The following CNKSR2 variants were observed in gnomAD, a reference collection of about 807,000 sequenced individuals.
The protein encoded by CNKSR2 is CNK homolog protein 2.
CNKSR2 carries 14 observed loss-of-function variants against 84.4 expected under a neutral mutation model. That is an observed-to-expected ratio of 0.17 (90% CI 0.11 to 0.26). CNKSR2 has a LOEUF of 0.26. Ranked by LOEUF, CNKSR2 falls within the 10% of genes least tolerant of loss-of-function variation. The pLI, the probability that CNKSR2 is intolerant of heterozygous loss-of-function variation, is 1.00. For missense variants in CNKSR2, 485 were observed against 771.2 expected, an observed-to-expected ratio of 0.63 and a Z score of 4.40; for synonymous variants, 275 against 277.9, an observed-to-expected ratio of 0.99 and a Z score of 0.10.
chrX:21,520,792 AATAAC>A (rs1251710160), intron 9 of CNKSR2, among the ~76,000 whole-genome samples: 2 of 109,871 alleles, frequency 1.8e-5, no homozygotes, highest in Admixed American at 1.9e-4. Context: ...TTTTATATAA[AATAAC>A]ATCAAGCTGT....
chrX:21,584,776 G>A (rs2092375302), intron 13 of CNKSR2, among the ~76,000 whole-genome samples: 1 of 111,383 alleles, frequency 9.0e-6, no homozygotes, highest in African/African-American at 3.3e-5. Context: ...AATTAGCAAG[G>A]GGAGAGCAGT....
In CNKSR2 at chrX:21,510,693, A is replaced by G. The variant is rs1323582535; in HGVS notation, c.811-5792A>G. On this transcript the variant is annotated intron_variant, in intron 8 of 21. Transcript: ENST00000379510. ...TGTCTGCTTCAGCCTGATCAAAACA[A>G]TTACAAGCCCCATCCACAAGAAAGC... Among the ~76,000 whole-genome samples, 4 of 111,907 alleles carry G rather than the reference A, an allele frequency of 3.6e-5. No homozygotes were observed. The Admixed American group carries it at 3.8e-4, about 11-fold the overall frequency.
At chrX:21,385,690 C>T (rs1380914619) in intron 1 of CNKSR2, among the ~76,000 whole-genome samples, 2 of 111,608 alleles carry the variant, frequency 1.8e-5, no homozygotes, top group African/African-American at 6.5e-5. Flanking sequence ...TTCCAAAATA[C>T]CTAATATTTC....
intron 5 of CNKSR2, among the ~76,000 whole-genome samples, chrX:21,485,038 C>CG (rs2091366428): frequency 9.0e-6 from 1 of 110,864 alleles, no homozygotes; most frequent in South Asian, 3.9e-4. Context: ...AAAAAATTAG[C>CG]GGGGTGTAGT....
In CNKSR2 at chrX:21,495,727, G is replaced by T. The variant is rs372501437; in HGVS notation, c.682-2060G>T. ...GAACCCGGGAGGCAGAGGTTGCAGT[G>T]AGCCGAGATTCTGCCACTGCACTCC... On this transcript the variant is annotated intron_variant, in intron 6 of 21. Transcript: ENST00000379510. 5.7e-5 allele frequency: 5 copies of T among 87,957 alleles called. No individual in the cohort carries two copies. In the Admixed American group the frequency reaches 5.8e-4, roughly 10 times the overall value. The allele number at this position is 87,957 out of a possible 1,213,427, so 7.2% of individuals were successfully genotyped here. A position where few individuals can be genotyped will look rare whatever the true frequency, so the allele number is the denominator to read the frequency against.
At chrX:21,432,211 C>G (rs924770096) in intron 2 of CNKSR2, among the ~76,000 whole-genome samples, 1 of 111,242 alleles carries the variant, frequency 9.0e-6, no homozygotes, top group Admixed American at 9.6e-5. Flanking sequence ...ATCCCTAGTA[C>G]CTACATTCCT....
At chrX:21,521,786 C>A (rs996552431) in intron 9 of CNKSR2, among the ~76,000 whole-genome samples, 1 of 110,400 alleles carries the variant, frequency 9.1e-6, no homozygotes, top group Non-Finnish European at 1.9e-5. Context: ...CAGAAAAAAA[C>A]ACTTGTTTTC....
intron 1 of CNKSR2, among the ~76,000 whole-genome samples, chrX:21,408,675 T>A (rs929771983): frequency 9.0e-6 from 1 of 111,620 alleles, no homozygotes; most frequent in Non-Finnish European, 1.9e-5. Context: ...TGTTTACCCT[T>A]TTATGTCTTG....
intron 20 of CNKSR2, among the ~76,000 whole-genome samples, chrX:21,627,435 C>A (rs186752804): frequency 9.0e-6 from 1 of 111,325 alleles, no homozygotes; most frequent in African/African-American, 3.3e-5. Context: ...GGAGGCGGAG[C>A]TGGCAGTGAG....
intron 20 of CNKSR2, among the ~76,000 whole-genome samples, chrX:21,614,365 G>A (rs1367839456): frequency 9.0e-6 from 1 of 111,667 alleles, no homozygotes; most frequent in African/African-American, 3.3e-5. Context: ...TTATTATCAA[G>A]ATAAATTATA....
At chrX:21,432,589 T>C (rs761781542) in intron 2 of CNKSR2, 23 bp from the exon 3 acceptor site, 1 of 1,025,180 alleles carries the variant, frequency 9.8e-7, no homozygotes, top group East Asian at 3.0e-5. Context: ...TTAAATATAT[T>C]CTCTCTCTTT....
chrX:21,566,151 A>G (rs2092236399), intron 13 of CNKSR2, among the ~76,000 whole-genome samples: 1 of 111,513 alleles, frequency 9.0e-6, no homozygotes, highest in Non-Finnish European at 1.9e-5. Flanking sequence ...TGATGTTAAT[A>G]ATGTTTTCAG....
At chrX:21,590,092 A>C (rs1473207509) in intron 13 of CNKSR2, among the ~76,000 whole-genome samples, 1 of 111,518 alleles carries the variant, frequency 9.0e-6, no homozygotes, top group Non-Finnish European at 1.9e-5. Context: ...CATGAGAAAA[A>C]AATATTGTTC....
rs143629101 is a variant in CNKSR2, at chrX:21,611,806, G to C, written c.2692+2189G>C. ...CCTAGTAAGTGTGTCAGTAAATTTG[G>C]TATTGTACTTTTTGTCTTTATGGTT... On this transcript the variant is annotated intron_variant, in intron 20 of 21. Coordinates refer to ENST00000379510, the MANE Select transcript of CNKSR2 (RefSeq NM_014927.5). 4.6e-3 allele frequency among the ~76,000 whole-genome samples: 512 copies of C among 111,450 alleles called. 4 individuals carry two copies. Among genetic ancestry groups the C allele is most frequent in the Middle Eastern group, 0.019 (4 of 216 alleles).
Position 21,453,693 on chromosome X carries a change from T to A in CNKSR2, c.519+12912T>A, listed in dbSNP as rs112161590. On this transcript the variant is annotated intron_variant, in intron 4 of 21. Transcript: ENST00000379510. ...GCATAGGTTTAAAGAGCTACCTGAG[T>A]CTGGGTAATTTATAAAGAAAAGAGG... Among the ~76,000 whole-genome samples the A allele has an allele frequency of 1.0e-2, 1,110 of 111,422 alleles. 14 individuals are homozygous for A. The highest frequency in any genetic ancestry group is 0.033 in the African/African-American group (1,011 of 30,683).
At chrX:21,514,474 C>T (rs1464037803) in intron 8 of CNKSR2, among the ~76,000 whole-genome samples, 1 of 111,708 alleles carries the variant, frequency 9.0e-6, no homozygotes, top group Non-Finnish European at 1.9e-5. Context: ...ATTCTACTTT[C>T]TGATAGAAAA....
chrX:21,378,776 A>G (rs916447978), intron 1 of CNKSR2, among the ~76,000 whole-genome samples: 7 of 111,522 alleles, frequency 6.3e-5, no homozygotes, highest in African/African-American at 2.3e-4. Flanking sequence ...TCTGGGTCAA[A>G]TAAAATGATT....
intron 20 of CNKSR2, among the ~76,000 whole-genome samples, chrX:21,618,495 T>A (rs1252934694): frequency 2.0e-4 from 23 of 112,289 alleles, no homozygotes; most frequent in Admixed American, 1.9e-3. Context: ...GTCTCAAGAA[T>A]GACAATTTTG....
intron 6 of CNKSR2, 59 bp downstream of exon 6, chrX:21,490,637 A>G: frequency 3.7e-6 from 4 of 1,078,446 alleles, no homozygotes; most frequent in Non-Finnish European, 4.9e-6. Context: ...AATGATGTGG[A>G]CAAAGCAGCC....
Sources: allele counts gnomAD v4.1 joint callset (sites outside exome capture counted in the v4.1 genomes callset), GRCh38; gene constraint gnomAD v4.1.1; transcripts MANE v1.5; gene names NCBI Gene and HGNC (gene_info 2026-07-23, HGNC 2026-07-21).